STK3: variants seen among roughly 807,000 people sequenced by gnomAD.
STK3 encodes serine/threonine kinase 3.
A neutral mutation model predicts 58.0 loss-of-function variants in STK3; 41 were observed. That is an observed-to-expected ratio of 0.71 (90% CI 0.55 to 0.92). The LOEUF (loss-of-function observed/expected upper bound fraction) is 0.92. Ranked by LOEUF, STK3 falls within the 40% of genes least tolerant of loss-of-function variation. STK3 has a pLI of 0.00. For synonymous variants in STK3, 170 were observed against 191.0 expected, an observed-to-expected ratio of 0.89 and a Z score of 0.91; for missense variants, 479 against 602.7, an observed-to-expected ratio of 0.79 and a Z score of 2.15.
At chr8:98,482,056 C>T (rs940704898) in intron 10 of STK3, among the ~76,000 whole-genome samples, 1 of 152,136 alleles carries the variant, frequency 6.6e-6, no homozygotes, top group Non-Finnish European at 1.5e-5. Context: ...TTCAAATTTC[C>T]AGCATGCCCA....
intron 6 of STK3, among the ~76,000 whole-genome samples, chr8:98,605,707 T>G (rs1816718880): frequency 6.6e-6 from 1 of 152,186 alleles, no homozygotes; most frequent in South Asian, 2.1e-4. Context: ...AAGTACAATA[T>G]GGCTTGGCTC....
intron 1 of STK3, among the ~76,000 whole-genome samples, chr8:98,911,640 C>T (rs1166118583): frequency 2.0e-5 from 3 of 152,174 alleles, no homozygotes; most frequent in Admixed American, 6.5e-5. Context: ...GTGATCTGCC[C>T]GCCTCGGCCT....
chr8:98,430,817 C>A (rs1336442517), intron 3 of STK3: 1 of 167,038 alleles, frequency 6.0e-6, no homozygotes, highest in South Asian at 2.1e-4. Context: ...AAATTGTAAA[C>A]TTGAAAAGCT....
chr8:98,347,458 T>G, the STK3 span, among the ~76,000 whole-genome samples: 1 of 150,858 alleles, frequency 6.6e-6, no homozygotes, highest in Admixed American at 6.6e-5. Context: ...GAGCTTGCAG[T>G]GAGCCAAGAT....
intron 4 of STK3, among the ~76,000 whole-genome samples, chr8:98,726,862 G>C (rs1482213255): frequency 6.6e-6 from 1 of 152,124 alleles, no homozygotes; most frequent in South Asian, 2.1e-4. Context: ...AAAAAGAGAT[G>C]GGACCCAAAA....
Position 98,469,697 on chromosome 8 carries a change from C to T in STK3, c.1318-13697G>A, listed in dbSNP as rs77767401. The stretch of plus-strand genomic sequence containing the variant: ...GAGTAGTTTTGCTAGTAAATCTTCA[C>T]ATTTTTATTTTACAAGATGAAATTT... On this transcript the variant is annotated intron_variant, in intron 10 of 10. Transcript: ENST00000419617. Among the ~76,000 whole-genome samples the T allele has an allele frequency of 8.5e-5, 13 of 152,182 alleles. No homozygotes were observed. In the South Asian group the frequency reaches 1.0e-3, roughly 12 times the overall value.
chr8:98,860,059 T>C (rs1836869832), intron 3 of STK3, among the ~76,000 whole-genome samples: 1 of 152,204 alleles, frequency 6.6e-6, no homozygotes, highest in Non-Finnish European at 1.5e-5. Context: ...AACTAACATG[T>C]ATTGAGTACC....
chr8:98,829,935 G>A (rs188429735), upstream of STK3, among the ~76,000 whole-genome samples: 2 of 152,276 alleles, frequency 1.3e-5, no homozygotes, highest in Admixed American at 1.3e-4. Context: ...ATATAAAGTG[G>A]AGGGGAAGAG....
At chr8:98,526,452 C>T (rs921736235) in intron 10 of STK3, 4 of 192,130 alleles carry the variant, frequency 2.1e-5, no homozygotes, top group African/African-American at 9.3e-5. Flanking sequence ...TTGAAAACAT[C>T]TTTTAAAATA....
intron 4 of STK3, among the ~76,000 whole-genome samples, chr8:98,730,517 A>C (rs1361542441): frequency 1.3e-5 from 2 of 152,128 alleles, no homozygotes; most frequent in Middle Eastern, 3.2e-3. Flanking sequence ...CAGGAGTTCA[A>C]GACCAGCCTG....
chr8:98,620,501 A>G (rs1030426150), intron 6 of STK3, among the ~76,000 whole-genome samples: 6 of 149,426 alleles, frequency 4.0e-5, no homozygotes, highest in Non-Finnish European at 8.9e-5. Flanking sequence ...TAAATAAATA[A>G]AAAGGTCAAC....
intron 4 of STK3, among the ~76,000 whole-genome samples, chr8:98,716,299 T>C (rs914254333): frequency 6.6e-5 from 10 of 151,792 alleles, no homozygotes; most frequent in African/African-American, 2.4e-4. Flanking sequence ...AAAGAACTAA[T>C]AAATAAATTC....
In STK3 at chr8:98,722,388, A is replaced by G. The variant is rs376087808; in HGVS notation, c.352-15077T>C. On this transcript the variant is annotated intron_variant, in intron 4 of 10. Coordinates refer to ENST00000419617, the MANE Select transcript of STK3 (RefSeq NM_006281.4). ...AACTTTGGACAAGAGAAATATCTGT[A>G]TCAAGGTTTAAGGTACTCTACAAGT... 1.1e-4 allele frequency among the ~76,000 whole-genome samples: 17 copies of G among 152,316 alleles called. 1 individual carries two copies. In the East Asian group the frequency reaches 2.3e-3, roughly 21 times the overall value.
intron 6 of STK3, among the ~76,000 whole-genome samples, chr8:98,670,069 A>G (rs758099597): frequency 6.6e-6 from 1 of 152,236 alleles, no homozygotes; most frequent in Admixed American, 6.5e-5. Flanking sequence ...ACAACACTGT[A>G]TATAAAAATG....
chr8:98,845,141 T>C (rs755597931), intron 3 of STK3, among the ~76,000 whole-genome samples: 1 of 152,204 alleles, frequency 6.6e-6, no homozygotes, highest in Non-Finnish European at 1.5e-5. Flanking sequence ...TTTTTTTACT[T>C]AGAGTTCATT....
At chr8:98,393,867 C>G (rs1455597079) in intron 3 of STK3, 1 of 152,108 alleles carries the variant, frequency 6.6e-6, no homozygotes, top group Non-Finnish European at 1.5e-5. Flanking sequence ...AATTGTCAAC[C>G]TACAGAATCA....
chr8:98,478,244 A>G (rs1821534732), intron 10 of STK3, among the ~76,000 whole-genome samples: 1 of 152,178 alleles, frequency 6.6e-6, no homozygotes, highest in African/African-American at 2.4e-5. Context: ...GGTGATCCCT[A>G]TGTATCTACT....
intron 9 of STK3, among the ~76,000 whole-genome samples, chr8:98,543,203 G>A (rs1297864542): frequency 6.6e-6 from 1 of 152,078 alleles, no homozygotes; most frequent in Non-Finnish European, 1.5e-5. Context: ...GTGGCCAAAG[G>A]TAAAAAAGCT....
At chr8:98,762,700 T>C (rs569395479) in intron 3 of STK3, among the ~76,000 whole-genome samples, 11 of 152,354 alleles carry the variant, frequency 7.2e-5, no homozygotes, top group Admixed American at 3.9e-4. Context: ...TTTGTTTAGA[T>C]ATGAAAAGTT....
Sources: gnomAD v4.1 joint callset for allele counts (sites outside exome capture counted in the v4.1 genomes callset) on GRCh38, gnomAD v4.1.1 for gene constraint, MANE v1.5 for transcripts, NCBI Gene and HGNC (gene_info 2026-07-23, HGNC 2026-07-21) for gene names.